The following RAB40C variants were observed in gnomAD, a reference collection of about 807,000 sequenced individuals.
RAB40C encodes RAB40C, member RAS oncogene family, also known as ras-related protein Rab-40C.
In RAB40C, 8 loss-of-function variants were observed where a neutral mutation model predicts 28.1. The observed-to-expected ratio is 0.28, with a 90% CI of 0.17 to 0.51. The LOEUF is 0.51. Ranked by LOEUF, RAB40C falls within the 20% of genes least tolerant of loss-of-function variation. The pLI, the probability that RAB40C is intolerant of heterozygous loss-of-function variation, is 0.97. For synonymous variants in RAB40C, 201 were observed against 171.7 expected (o/e 1.17, Z -1.34); for missense variants, 288 against 405.9 (o/e 0.71, Z 2.50).
At chr16:615,048 C>T (rs562110732) in intron 1 of RAB40C, among the ~76,000 whole-genome samples, 1 of 152,340 alleles carries the variant, frequency 6.6e-6, no homozygotes, top group Admixed American at 6.5e-5. Context: ...GAAACGAGGA[C>T]CCGAGGGAGA....
intron 1 of RAB40C, among the ~76,000 whole-genome samples, chr16:598,376 CA>C (rs59657468): frequency 0.45 from 60,205 of 132,754 alleles, 13,084 homozygotes; most frequent in East Asian, 0.62. Flanking sequence ...GACTCCACCT[CA>C]AAAAAAAAAA....
At chr16:624,785 G>GCT in intron 3 of RAB40C, 2 of 985,454 alleles carry the variant, frequency 2.0e-6, no homozygotes, top group Non-Finnish European at 2.4e-6. Context: ...GCCCGACAGG[G>GCT]CTCTGAGTGT....
At chr16:594,091 C>T (rs1228743455) in intron 1 of RAB40C, among the ~76,000 whole-genome samples, 2 of 152,190 alleles carry the variant, frequency 1.3e-5, no homozygotes, top group Non-Finnish European at 2.9e-5. Context: ...CGCTCCCGCT[C>T]TGCAGGGGGC....
At chr16:622,746 C>G (rs536454719) in intron 3 of RAB40C, among the ~76,000 whole-genome samples, 36 of 152,304 alleles carry the variant, frequency 2.4e-4, no homozygotes, top group African/African-American at 8.2e-4. Context: ...CCTCGTGATC[C>G]GCCTGCCTCG....
chr16:608,207 G>T (rs1292740570), intron 1 of RAB40C, among the ~76,000 whole-genome samples: 1 of 152,218 alleles, frequency 6.6e-6, no homozygotes, highest in South Asian at 2.1e-4. Flanking sequence ...CAGAGAGAAT[G>T]AGTGCTGAGT....
At chr16:617,173 G>A (rs1362161489) in intron 1 of RAB40C, 35 bp from the exon 2 acceptor site, 2 of 1,611,026 alleles carry the variant, frequency 1.2e-6, no homozygotes, top group Middle Eastern at 2.0e-4. Flanking sequence ...CTCCAGGAGT[G>A]GCGCGTCCCC....
chr16:626,987 C>A (rs924499427), intron 5 of RAB40C, among the ~76,000 whole-genome samples: 3 of 152,118 alleles, frequency 2.0e-5, no homozygotes, highest in Non-Finnish European at 4.4e-5. Context: ...AGTCAGGACG[C>A]GCGCTCCCCC....
At chr16:618,283 C>T (rs200393855) in intron 3 of RAB40C, 23 bp downstream of exon 3, 13 of 1,588,408 alleles carry the variant, frequency 8.2e-6, no homozygotes, top group Middle Eastern at 1.7e-4. Flanking sequence ...CCGCTCTTTC[C>T]ATTGCTTTTC....
intron 1 of RAB40C, among the ~76,000 whole-genome samples, chr16:603,869 T>C (rs902740739): frequency 6.6e-6 from 1 of 152,178 alleles, no homozygotes; most frequent in African/African-American, 2.4e-5. Flanking sequence ...TTTCTTTTGC[T>C]CAGCAGTTTT....
rs898118375 is a variant in RAB40C, at chr16:628,951, C to T, written c.*1329C>T. On this transcript the variant is annotated 3_prime_UTR_variant, in exon 6 of 6. Coordinates refer to ENST00000248139, the MANE Select transcript of RAB40C (RefSeq NM_021168.5). ...GTTACTGGGCACCAGTGGACTCGCC[C>T]CATGGCCCGTTCCTGGGAGATGAGG... 6.5e-6 allele frequency: 1 copy of T among 153,632 alleles called. No homozygotes were observed. The highest frequency in any genetic ancestry group is 6.5e-5 in the Admixed American group (1 of 15,470). 9.5% of individuals were successfully genotyped at this position (153,632 alleles called of 1,614,324 possible).
Position 590,343 on chromosome 16 carries a change from C to T in RAB40C, c.52C>T (p.Leu18=), listed in dbSNP as rs1358431736. Residue 18 remains leucine, a synonymous_variant, in exon 1 of 6, where the codon CTG becomes TTG. Transcript: ENST00000248139. ...GAGCTACGACTACCTGCTCAAGTTC[C>T]TGCTGGTGGGCGACAGCGACGTGGG... ...VKSYDYLLKF[L]LVGDSDVGKG... is the part of the protein sequence containing the mutation. The T allele has an allele frequency of 6.3e-7, 1 of 1,596,300 alleles. No homozygotes were observed. The highest frequency in any genetic ancestry group is 8.5e-7 in the Non-Finnish European group (1 of 1,173,212).
chr16:626,717 C>T (rs2036843940), intron 5 of RAB40C, among the ~76,000 whole-genome samples: 1 of 152,196 alleles, frequency 6.6e-6, no homozygotes, highest in Admixed American at 6.5e-5. Context: ...GCAGGTGGAT[C>T]ACCTGAGGTC....
intron 1 of RAB40C, among the ~76,000 whole-genome samples, chr16:594,200 G>A (rs1330588167): frequency 1.3e-5 from 2 of 152,256 alleles, no homozygotes; most frequent in Non-Finnish European, 2.9e-5. Flanking sequence ...GTCAGGGTGT[G>A]TGTGCCCGGG....
chr16:618,687 G>A (rs1379696482), intron 3 of RAB40C, among the ~76,000 whole-genome samples: 7 of 151,784 alleles, frequency 4.6e-5, no homozygotes, highest in African/African-American at 1.7e-4. Context: ...AGCTGTGTGT[G>A]TGCACAGGTG....
intron 1 of RAB40C, among the ~76,000 whole-genome samples, chr16:593,445 T>G (rs1596395621): frequency 6.6e-6 from 1 of 152,252 alleles, no homozygotes; most frequent in East Asian, 1.9e-4. Flanking sequence ...GTTTCCAGCT[T>G]CCGTGTTTCT....
At chr16:604,553 ATG>A (rs1405809896) in intron 1 of RAB40C, among the ~76,000 whole-genome samples, 7 of 150,972 alleles carry the variant, frequency 4.6e-5, no homozygotes, top group African/African-American at 1.7e-4. Flanking sequence ...TCTAGAATAT[ATG>A]TGAGTCTTTC....
At chr16:601,580 C>G (rs2036249068) in intron 1 of RAB40C, among the ~76,000 whole-genome samples, 1 of 152,048 alleles carries the variant, frequency 6.6e-6, no homozygotes, top group South Asian at 2.1e-4. Context: ...TTCACTAGGG[C>G]CATGCATGCA....
At chr16:625,053 C>G (rs1225401638) in intron 3 of RAB40C, 1 of 1,294,866 alleles carries the variant, frequency 7.7e-7, no homozygotes, top group Admixed American at 2.3e-5. Flanking sequence ...CCCAGGTACT[C>G]CCGGGGGGAT....
intron 1 of RAB40C, chr16:616,994 C>CGCCCT: frequency 3.4e-6 from 2 of 581,882 alleles, no homozygotes; most frequent in Admixed American, 5.8e-5. Flanking sequence ...TGCCCTGCCC[C>CGCCCT]GCCCTGCCCG....
Sources: allele counts gnomAD v4.1 joint callset (sites outside exome capture counted in the v4.1 genomes callset), GRCh38; gene constraint gnomAD v4.1.1; transcripts MANE v1.5; gene names NCBI Gene and HGNC (gene_info 2026-07-23, HGNC 2026-07-21).